Variants in NT5M observed in about 807,000 individuals in gnomAD.
NT5M encodes 5'(3')-deoxyribonucleotidase, mitochondrial.
Under a neutral mutation model 22.2 loss-of-function variants are expected in NT5M, and 22 were observed. The observed-to-expected ratio is 0.99, with a 90% CI of 0.71 to 1.41. NT5M has a LOEUF of 1.41. NT5M is among the 40% of genes most tolerant of loss of function. The pLI is 0.00. For missense variants in NT5M, 322 were observed against 314.8 expected (o/e 1.02, Z -0.17); for synonymous variants, 167 against 133.0 (o/e 1.26, Z -1.76).
intron 2 of NT5M, among the ~76,000 whole-genome samples, chr17:17,320,429 A>T (rs537189187): frequency 6.6e-6 from 1 of 151,924 alleles, no homozygotes. Flanking sequence ...AGACCTGGGG[A>T]TGGATCTGAT....
chr17:17,336,542 C>G (rs2049515963), intron 3 of NT5M, among the ~76,000 whole-genome samples: 1 of 148,352 alleles, frequency 6.7e-6, no homozygotes, highest in Non-Finnish European at 1.5e-5. Context: ...GGCTCTCATT[C>G]TTTTTTCTTT....
rs771505008 is a variant in NT5M at position 17,346,995 on chromosome 17, C to T, written c.*48C>T. On this transcript the variant is annotated 3_prime_UTR_variant, in exon 5 of 5. Transcript: ENST00000389022. ...TCTGTGGGGCTCTGACCTCAGGGCTCCCAGCTCGGGGCCTGTGGGGCCAGT... is the reference window on the plus strand; with the variant it reads ...TCTGTGGGGCTCTGACCTCAGGGCTTCCAGCTCGGGGCCTGTGGGGCCAGT... 21 of 1,596,768 alleles carry T rather than the reference C, an allele frequency of 1.3e-5. No individual in the cohort carries two copies. Among genetic ancestry groups the T allele is most frequent in the Non-Finnish European group, 1.5e-5 (18 of 1,174,034 alleles).
chr17:17,325,884 AT>A, intron 3 of NT5M, among the ~76,000 whole-genome samples: 1 of 151,954 alleles, frequency 6.6e-6, no homozygotes, highest in East Asian at 1.9e-4. Context: ...TTCTTTCTCC[AT>A]CTTGTTTTTT....
intron 4 of NT5M, among the ~76,000 whole-genome samples, chr17:17,346,140 C>T (rs1039379692): frequency 6.6e-6 from 1 of 152,168 alleles, no homozygotes; most frequent in Non-Finnish European, 1.5e-5. Flanking sequence ...GTACCCACCC[C>T]ACCCCACCCT....
chr17:17,324,787 C>G (rs1345750690), intron 3 of NT5M, among the ~76,000 whole-genome samples: 1 of 152,204 alleles, frequency 6.6e-6, no homozygotes, highest in African/African-American at 2.4e-5. Context: ...ATCCTCCCAC[C>G]TCAGCCTCTT....
Position 17,321,201 on chromosome 17 carries a change from A to G in NT5M, c.369-1984A>G, listed in dbSNP as rs574805839. On this transcript the variant is annotated intron_variant, in intron 2 of 4. Transcript: ENST00000389022. Reference sequence around the variant, plus strand: ...CACGTGTTTGAATGAGGAGTCATGGAGAAGGATAGCAAGCGGGCATTCGGG... The same window carrying G: ...CACGTGTTTGAATGAGGAGTCATGGGGAAGGATAGCAAGCGGGCATTCGGG... Among the ~76,000 whole-genome samples, 3 of 151,284 alleles carry G rather than the reference A, an allele frequency of 2.0e-5. No individual in the cohort carries two copies. The East Asian group carries it at 5.8e-4, about 29-fold the overall frequency.
intron 1 of NT5M, among the ~76,000 whole-genome samples, chr17:17,305,403 C>T (rs8082379): frequency 2.6e-4 from 34 of 130,390 alleles, no homozygotes; most frequent in African/African-American, 9.3e-4. Context: ...CGCCCCCCCC[C>T]CCCCGCCCCC....
intron 2 of NT5M, among the ~76,000 whole-genome samples, chr17:17,320,300 G>A (rs2049124128): frequency 6.6e-6 from 1 of 152,190 alleles, no homozygotes; most frequent in Admixed American, 6.5e-5. Context: ...GGTGAGAACT[G>A]GAAGTTGAAG....
chr17:17,305,390 A>ACCC (rs2048773625), intron 1 of NT5M, among the ~76,000 whole-genome samples: 1 of 65,152 alleles, frequency 1.5e-5, no homozygotes, highest in Non-Finnish European at 3.2e-5. Flanking sequence ...TGGTTAAAAC[A>ACCC]ACCGCCCCCC....
intron 2 of NT5M, among the ~76,000 whole-genome samples, chr17:17,315,210 T>C (rs1318636904): frequency 6.6e-6 from 1 of 152,212 alleles, no homozygotes; most frequent in Non-Finnish European, 1.5e-5. Context: ...TTTAACATGG[T>C]GCTCACTGTC....
chr17:17,314,839 A>G (rs187697864), intron 2 of NT5M, among the ~76,000 whole-genome samples: 4 of 152,308 alleles, frequency 2.6e-5, no homozygotes, highest in Non-Finnish European at 2.9e-5. Flanking sequence ...TTTCAAACTG[A>G]GAACCGTGCA....
intron 3 of NT5M, among the ~76,000 whole-genome samples, chr17:17,326,358 C>T (rs1263228409): frequency 6.6e-6 from 1 of 152,232 alleles, no homozygotes; most frequent in African/African-American, 2.4e-5. Context: ...GTGTGTTCCC[C>T]TGGAGGTAGC....
chr17:17,329,716 T>C (rs1317616759), intron 3 of NT5M, among the ~76,000 whole-genome samples: 3 of 152,120 alleles, frequency 2.0e-5, no homozygotes, highest in African/African-American at 7.2e-5. Flanking sequence ...TGGCTCATGC[T>C]TGTAATCCCA....
intron 2 of NT5M, among the ~76,000 whole-genome samples, chr17:17,311,573 A>T (rs2048923768): frequency 6.6e-6 from 1 of 152,220 alleles, no homozygotes; most frequent in Non-Finnish European, 1.5e-5. Flanking sequence ...CTAGACTTAG[A>T]TAACTTTTAT....
chr17:17,343,828 C>A (rs192854313), intron 3 of NT5M, among the ~76,000 whole-genome samples: 4 of 152,278 alleles, frequency 2.6e-5, no homozygotes, highest in Non-Finnish European at 5.9e-5. Flanking sequence ...GGTTGGTTGC[C>A]AGTGTCAGAA....
In NT5M at chr17:17,346,800, C is replaced by G; in HGVS notation, c.545-5C>G. 1 of 1,606,714 alleles carries G rather than the reference C, an allele frequency of 6.2e-7. No homozygotes were observed. The highest frequency in any genetic ancestry group is 8.5e-7 in the Non-Finnish European group (1 of 1,179,922). ...CTGAGCTGAATGCCGCTTTCCCACC[C>G]ACAGGGGCCGAGCCAACCCCCAGCT... is the stretch of plus-strand genomic sequence containing the variant. On this transcript the variant is annotated splice_region_variant and splice_polypyrimidine_tract_variant and intron_variant, in intron 4 of 4. Transcript: ENST00000389022.
At chr17:17,338,886 C>G (rs1164792280) in intron 3 of NT5M, among the ~76,000 whole-genome samples, 1 of 151,848 alleles carries the variant, frequency 6.6e-6, no homozygotes, top group Admixed American at 6.6e-5. Flanking sequence ...GCCACCACGC[C>G]CAGCTAATTT....
intron 3 of NT5M, among the ~76,000 whole-genome samples, chr17:17,338,214 A>G: frequency 6.8e-6 from 1 of 146,738 alleles, no homozygotes; most frequent in Non-Finnish European, 1.5e-5. Flanking sequence ...TTTTTTTGAG[A>G]CGGAGTCTTA....
intron 1 of NT5M, chr17:17,304,392 A>G: frequency 2.0e-6 from 2 of 985,290 alleles, no homozygotes; most frequent in East Asian, 1.1e-4. Flanking sequence ...CCTGAGCTCA[A>G]CCCCTACCAT....
Sources: allele counts gnomAD v4.1 joint callset (sites outside exome capture counted in the v4.1 genomes callset), GRCh38; gene constraint gnomAD v4.1.1; transcripts MANE v1.5; gene names NCBI Gene and HGNC (gene_info 2026-07-23, HGNC 2026-07-21).